BACH2: variants seen among roughly 807,000 people sequenced by gnomAD.
BACH2 encodes BACH transcriptional regulator 2.
BACH2 carries 5 observed loss-of-function variants against 61.8 expected under a neutral mutation model. The observed-to-expected ratio is 0.08, with a 90% CI of 0.04 to 0.17. The LOEUF is 0.17. Among genes scored for constraint, BACH2 ranks in the 10% least tolerant of loss-of-function variants. The pLI is 1.00. For missense variants in BACH2, 824 were observed against 1,091.1 expected (o/e 0.76, Z 3.45); for synonymous variants, 446 against 440.1 (o/e 1.01, Z -0.17).
rs1041018800 is a variant in BACH2, at chr6:90,008,072, T to G, written c.243+530A>C. 1 of 166,346 alleles carries G rather than the reference T, an allele frequency of 6.0e-6. No individual in the cohort carries two copies. Among genetic ancestry groups the G allele is most frequent in the Non-Finnish European group, 1.3e-5 (1 of 76,128 alleles). 10.3% of individuals were successfully genotyped at this position (166,346 alleles called of 1,614,324 possible). ...GTGCCAAAATAACCGTATTCACTGA[T>G]GTGATTAAGAAACCTGAGTGGGCTG... On this transcript the variant is annotated intron_variant, in intron 6 of 8. Transcript: ENST00000257749. This position sits in a 1 kb window ranked among gnomAD's most constrained non-coding sequence, Gnocchi z 4.1.
At chr6:90,201,344 C>G (rs1399422968) in intron 4 of BACH2, among the ~76,000 whole-genome samples, 1 of 152,180 alleles carries the variant, frequency 6.6e-6, no homozygotes, top group African/African-American at 2.4e-5. Context: ...CCCAACTTCA[C>G]TGGGTAAATG....
rs141312209 is a variant in BACH2, at chr6:89,949,283, G to C, written c.1836+987C>G. Reference sequence around the variant, plus strand: ...AGCTCTGAGAAGGGACTTGTCACTGGGTTTGTTCAATCCCGCTCCTGAGGG... The same window carrying C: ...AGCTCTGAGAAGGGACTTGTCACTGCGTTTGTTCAATCCCGCTCCTGAGGG... On this transcript the variant is annotated intron_variant, in intron 7 of 8. Transcript: ENST00000257749. Among the ~76,000 whole-genome samples the C allele has an allele frequency of 2.3e-3, 351 of 152,268 alleles. 3 individuals carry two copies. Among genetic ancestry groups the C allele is most frequent in the African/African-American group, 8.2e-3 (341 of 41,558 alleles).
chr6:90,285,562 G>A (rs923842148), intron 1 of BACH2, among the ~76,000 whole-genome samples: 2 of 152,052 alleles, frequency 1.3e-5, no homozygotes, highest in Admixed American at 6.5e-5. Flanking sequence ...AAGTTTTCCT[G>A]AGGCATATCC....
At chr6:90,189,677 C>T (rs1768498605) in intron 4 of BACH2, among the ~76,000 whole-genome samples, 1 of 146,156 alleles carries the variant, frequency 6.8e-6, no homozygotes, top group Non-Finnish European at 1.5e-5. Flanking sequence ...AACAGCTGGA[C>T]AGGGGATGCT....
chr6:90,122,383 C>T (rs527623337), intron 4 of BACH2, among the ~76,000 whole-genome samples: 11 of 152,176 alleles, frequency 7.2e-5, no homozygotes, highest in East Asian at 5.8e-4. Flanking sequence ...AAACCCAGTT[C>T]GCCCTCCCTT....
chr6:90,239,219 C>G (rs77103893), intron 3 of BACH2, among the ~76,000 whole-genome samples: 1,888 of 152,302 alleles, frequency 0.012, 47 homozygotes, highest in African/African-American at 0.043. Context: ...CCACGAGCCA[C>G]AAACCTGGTA....
chr6:89,993,766 A>AG (rs1202927851), intron 6 of BACH2, among the ~76,000 whole-genome samples: 1 of 151,368 alleles, frequency 6.6e-6, no homozygotes, highest in Non-Finnish European at 1.5e-5. Flanking sequence ...CAAGGACACC[A>AG]GGGCCCAGGA....
chr6:89,953,744 G>A (rs185995482), intron 6 of BACH2, among the ~76,000 whole-genome samples: 1 of 152,296 alleles, frequency 6.6e-6, no homozygotes, highest in East Asian at 1.9e-4. Context: ...TACTGTGTAT[G>A]CAAGGTGACA....
chr6:90,110,336 A>G (rs1346257175), intron 4 of BACH2, among the ~76,000 whole-genome samples: 3 of 152,196 alleles, frequency 2.0e-5, no homozygotes, highest in Non-Finnish European at 2.9e-5. Flanking sequence ...TACTTTGTTA[A>G]TATTAAAATC....
At chr6:90,253,421 G>T (rs1770876521) in intron 2 of BACH2, among the ~76,000 whole-genome samples, 1 of 152,166 alleles carries the variant, frequency 6.6e-6, no homozygotes, top group Non-Finnish European at 1.5e-5. Context: ...TGGCAGATTT[G>T]CCAAGTAAAC....
chr6:90,173,782 T>TCATC (rs1164728548), intron 4 of BACH2, among the ~76,000 whole-genome samples: 1 of 152,162 alleles, frequency 6.6e-6, no homozygotes, highest in African/African-American at 2.4e-5. Flanking sequence ...CTGCCAAAAT[T>TCATC]CATCAAACTG....
intron 6 of BACH2, among the ~76,000 whole-genome samples, chr6:89,957,882 T>A (rs1056041563): frequency 2.6e-5 from 4 of 152,216 alleles, no homozygotes; most frequent in Non-Finnish European, 5.9e-5. Flanking sequence ...TTGTGTTCTA[T>A]TCCTAAGGTA....
intron 4 of BACH2, among the ~76,000 whole-genome samples, chr6:90,189,614 CAAAAAAAAAAAAA>C (rs59022545): frequency 8.2e-4 from 39 of 47,772 alleles, no homozygotes; most frequent in Non-Finnish European, 1.5e-3. Flanking sequence ...GACTCCGTCT[CAAAAAAAAAAAAA>C]AAAAAAAAAA....
intron 4 of BACH2, among the ~76,000 whole-genome samples, chr6:90,142,847 T>C (rs1342094458): frequency 6.6e-6 from 1 of 152,092 alleles, no homozygotes; most frequent in African/African-American, 2.4e-5. Flanking sequence ...GAAATAGTAT[T>C]AAGAATAATA....
intron 5 of BACH2, among the ~76,000 whole-genome samples, chr6:90,028,371 C>G (rs980105249): frequency 8.5e-5 from 13 of 152,214 alleles, no homozygotes; most frequent in African/African-American, 3.1e-4. Context: ...CTAAAAGATT[C>G]CATTCCTTCA....
chr6:90,258,350 C>T (rs1234709430), intron 2 of BACH2, among the ~76,000 whole-genome samples: 2 of 152,004 alleles, frequency 1.3e-5, no homozygotes, highest in Admixed American at 6.6e-5. Flanking sequence ...TCTTGGTGCC[C>T]TTGTCAAAAA....
chr6:90,054,179 T>C (rs1475971593), intron 5 of BACH2, among the ~76,000 whole-genome samples: 1 of 152,094 alleles, frequency 6.6e-6, no homozygotes, highest in Non-Finnish European at 1.5e-5. Flanking sequence ...ATCGCCTCAC[T>C]CGGGAAGTGC....
intron 4 of BACH2, among the ~76,000 whole-genome samples, chr6:90,103,029 A>ATATATATATATT: frequency 4.7e-5 from 1 of 21,164 alleles, no homozygotes; most frequent in Non-Finnish European, 8.0e-5. Context: ...ATATATATAT[A>ATATATATATATT]TTTTTTTTTT....
chr6:90,066,393 C>T (rs1780966926), intron 5 of BACH2, among the ~76,000 whole-genome samples: 1 of 152,108 alleles, frequency 6.6e-6, no homozygotes, highest in Non-Finnish European at 1.5e-5. Flanking sequence ...ATGAAGGACA[C>T]TGACTTTCAG....
Sources: allele counts gnomAD v4.1 joint callset (sites outside exome capture counted in the v4.1 genomes callset), GRCh38; gene constraint gnomAD v4.1.1; non-coding constraint Gnocchi (gnomAD v3.1); transcripts MANE v1.5; gene names NCBI Gene and HGNC (gene_info 2026-07-23, HGNC 2026-07-21).